Variants in RSPH14 observed in about 807,000 individuals in gnomAD.
The protein encoded by RSPH14 is radial spoke head 14 homolog, also known as rhabdoid tumor deletion region gene 1.
In RSPH14, 20 loss-of-function variants were observed where a neutral mutation model predicts 26.7. That is an observed-to-expected ratio of 0.75 (90% CI 0.53 to 1.09). The LOEUF (loss-of-function observed/expected upper bound fraction) is 1.09, where lower values mean the gene tolerates loss of function less well. Ranked by LOEUF, RSPH14 falls within the 50% of genes least tolerant of loss-of-function variation. The pLI, the probability that RSPH14 is intolerant of heterozygous loss-of-function variation, is 0.00. For missense variants in RSPH14, 449 were observed against 457.2 expected (o/e 0.98, Z 0.16); for synonymous variants, 177 against 189.3 (o/e 0.93, Z 0.53).
the RSPH14 span, chr22:23,180,577 G>A: frequency 1.0e-4 from 4 of 38,880 alleles, no homozygotes; most frequent in African/African-American, 1.2e-3. Flanking sequence ...AGGAGGCGGC[G>A]GCGGCGGCGG....
At chr22:23,112,883 C>T (rs1467577216) in intron 4 of RSPH14, among the ~76,000 whole-genome samples, 1 of 152,186 alleles carries the variant, frequency 6.6e-6, no homozygotes, top group African/African-American at 2.4e-5. Flanking sequence ...GGGGACCCCA[C>T]AGCTCCAGCT....
chr22:23,061,730 A>C, intron 6 of RSPH14, 79 bp downstream of exon 6: 1 of 1,532,126 alleles, frequency 6.5e-7, no homozygotes, highest in Non-Finnish European at 8.9e-7. Flanking sequence ...GACGATACCC[A>C]GCCCCTGAGT....
intron 4 of RSPH14, among the ~76,000 whole-genome samples, chr22:23,099,727 A>G (rs1214002614): frequency 6.6e-6 from 1 of 152,200 alleles, no homozygotes; most frequent in Non-Finnish European, 1.5e-5. Context: ...CATTCACACA[A>G]GGGTCAGTCA....
At chr22:23,116,730 C>A (rs2069847880) in intron 4 of RSPH14, among the ~76,000 whole-genome samples, 2 of 152,234 alleles carry the variant, frequency 1.3e-5, no homozygotes, top group Non-Finnish European at 2.9e-5. Flanking sequence ...GCGCTTGTCC[C>A]ACACAGCTGC....
chr22:23,125,230 G>C (rs1290376724), intron 4 of RSPH14, among the ~76,000 whole-genome samples: 1 of 151,942 alleles, frequency 6.6e-6, no homozygotes, highest in Non-Finnish European at 1.5e-5. Flanking sequence ...AAACTGCAAA[G>C]AGGGGAAACC....
the RSPH14 span, among the ~76,000 whole-genome samples, chr22:23,166,139 C>CT: frequency 1.1e-5 from 1 of 91,804 alleles, no homozygotes; most frequent in Non-Finnish European, 1.9e-5. Context: ...GAGTGAGACT[C>CT]TGTCTTTTAA....
At chr22:23,070,385 G>T (rs912076748) in intron 4 of RSPH14, 37 of 146,344 alleles carry the variant, frequency 2.5e-4, no homozygotes, top group African/African-American at 9.1e-4. Context: ...GGCGGCGCGG[G>T]AGGGCGGGCG....
At chr22:23,175,750 C>T in the RSPH14 span, among the ~76,000 whole-genome samples, 8 of 152,352 alleles carry the variant, frequency 5.3e-5, no homozygotes, top group Admixed American at 1.3e-4. Context: ...CCTGGGGTAG[C>T]GCTCAGGGCC....
In RSPH14 at chr22:23,134,126, G is replaced by A. The variant is rs749202804; in HGVS notation, c.321C>T (p.His107=). The A allele has an allele frequency of 1.6e-5, 25 of 1,610,642 alleles. No homozygotes were observed. Among genetic ancestry groups the A allele is most frequent in the South Asian group, 5.5e-5 (5 of 90,962 alleles). ...GGAAGGACAGGGCAAGGACGATGTC[G>A]TGCTCTAGAAAGGCGTATCTAGGGA... ...HSVGRYAFLE[H]DIVLALSFLL... is the part of the protein sequence containing the mutation. Residue 107 remains histidine (H), a synonymous_variant, in exon 4 of 7, where the codon CAC becomes CAT. Transcript: ENST00000216036.
rs1197438815 is a variant in RSPH14 at position 23,130,080 on chromosome 22, AAAGGAAGAAAGAAAG to A, written c.421+3931_421+3945del. 1.0e-4 allele frequency among the ~76,000 whole-genome samples: 3 copies of A among 29,332 alleles called. No individual in the cohort carries two copies. The East Asian group carries it at 1.6e-3, about 15-fold the overall frequency. 19.2% of individuals were successfully genotyped at this position (29,332 alleles called of 152,430 possible). On this transcript the variant is annotated intron_variant, in intron 4 of 6. Coordinates refer to ENST00000216036, the MANE Select transcript of RSPH14 (RefSeq NM_014433.3). ...AAGAAAAAGAAAGAAAGAAAGAAAG[AAAGGAAGAAAGAAAG>A]AAAGAAAGAAAGAAAGAAAGAAAGA...
intron 1 of RSPH14, among the ~76,000 whole-genome samples, chr22:23,140,993 T>G (rs1387606059): frequency 6.6e-6 from 1 of 152,184 alleles, no homozygotes; most frequent in Non-Finnish European, 1.5e-5. Context: ...GGAACCCATA[T>G]TCAGATGCTT....
At chr22:23,171,452 A>G in the RSPH14 span, among the ~76,000 whole-genome samples, 3 of 152,346 alleles carry the variant, frequency 2.0e-5, no homozygotes, top group South Asian at 6.2e-4. Flanking sequence ...AGCTGGAACT[A>G]CAAGTGTGTA....
At chr22:23,150,042 C>G in the RSPH14 span, 14 of 1,573,254 alleles carry the variant, frequency 8.9e-6, no homozygotes, top group South Asian at 1.6e-4. Context: ...ATGATGTGTC[C>G]GTCTGTCTGT....
At chr22:23,138,578 A>G (rs141592220) in intron 3 of RSPH14, among the ~76,000 whole-genome samples, 130 of 152,186 alleles carry the variant, frequency 8.5e-4, no homozygotes, top group Admixed American at 2.2e-3. Flanking sequence ...GAAAGAAAAG[A>G]AAGAGAGAGA....
intron 4 of RSPH14, among the ~76,000 whole-genome samples, chr22:23,113,193 G>C (rs1171529832): frequency 6.6e-6 from 1 of 152,204 alleles, no homozygotes; most frequent in Non-Finnish European, 1.5e-5. Flanking sequence ...GTGTTCTGAC[G>C]TTGGCTAAAC....
chr22:23,167,694 CT>C, the RSPH14 span, among the ~76,000 whole-genome samples: 1 of 151,618 alleles, frequency 6.6e-6, no homozygotes. Flanking sequence ...TTCATTAACT[CT>C]TTTTTTAATT....
chr22:23,180,050 G>A, the RSPH14 span: 2 of 355,582 alleles, frequency 5.6e-6, no homozygotes, highest in South Asian at 6.7e-5. Flanking sequence ...GGCGTGGTAG[G>A]GGCAGAGGGG....
chr22:23,138,939 C>G lies in RSPH14; in HGVS notation c.203G>C (p.Cys68Ser), dbSNP rs977540754. ...ECIYKAMNIG[C>S]MENLKALLKD... ...CAGCAAAGCTTTCAGGTTCTCCATACAGCCTAGAAAAAAAAAAAAAAACAA... is the reference window on the plus strand; with the variant it reads ...CAGCAAAGCTTTCAGGTTCTCCATAGAGCCTAGAAAAAAAAAAAAAAACAA... Residue 68 changes from cysteine to serine, a missense_variant, in exon 3 of 7, where the codon TGT (cysteine) becomes TCT (serine). Coordinates refer to ENST00000216036, the MANE Select transcript of RSPH14 (RefSeq NM_014433.3). 6 of 1,467,730 alleles carry G rather than the reference C, an allele frequency of 4.1e-6. No homozygotes were observed. Among genetic ancestry groups the G allele is most frequent in the South Asian group, 1.2e-5 (1 of 80,040 alleles). 90.9% of individuals were successfully genotyped at this position (1,467,730 alleles called of 1,614,324 possible).
In RSPH14 at chr22:23,096,115, C is replaced by T. The variant is rs148283734; in HGVS notation, c.422-31982G>A. 5 of 1,611,388 alleles carry T rather than the reference C, an allele frequency of 3.1e-6. No homozygotes were observed. The African/African-American group carries it at 6.7e-5, about 21-fold the overall frequency. ...GGGCCGACCCAGGGGCACAGGCCTG[C>T]TTCAGCCGCTCCAGCGAGTACCACC... On this transcript the variant is annotated intron_variant, in intron 4 of 6. Coordinates refer to ENST00000216036, the MANE Select transcript of RSPH14 (RefSeq NM_014433.3).
Sources: allele counts gnomAD v4.1 joint callset (sites outside exome capture counted in the v4.1 genomes callset), GRCh38; gene constraint gnomAD v4.1.1; transcripts MANE v1.5; gene names NCBI Gene and HGNC (gene_info 2026-07-23, HGNC 2026-07-21).